Variants in DLGAP2 observed in about 807,000 individuals in gnomAD.
DLGAP2 encodes the protein DLG associated protein 2.
A neutral mutation model predicts 100.3 loss-of-function variants in DLGAP2; 26 were observed. That is an observed-to-expected ratio of 0.26 (90% CI 0.19 to 0.36). The LOEUF is 0.36. DLGAP2 is among the 10% of genes least tolerant of loss of function. DLGAP2 has a pLI of 1.00. For missense variants in DLGAP2, 1,858 were observed against 1,453.2 expected, an observed-to-expected ratio of 1.28 and a Z score of -4.53; for synonymous variants, 886 against 630.1, an observed-to-expected ratio of 1.41 and a Z score of -6.08.
At chr8:1,275,361 G>GA (rs113417814) in intron 3 of DLGAP2, among the ~76,000 whole-genome samples, 27,509 of 139,960 alleles carry the variant, frequency 0.2, 3,098 homozygotes, top group African/African-American at 0.34. Context: ...ATTTGGAATG[G>GA]AAAAAAAAAA....
At position 956,956 on chromosome 8, in the gene DLGAP2, G is replaced by T. The variant is rs1799611024; in HGVS notation, c.73+48990G>T. On this transcript the variant is annotated intron_variant, in intron 2 of 14. Coordinates refer to ENST00000637795, the MANE Select transcript of DLGAP2 (RefSeq NM_001346810.2). ...TTTCACATTTCACACCTCCCCTCCT[G>T]TTCATCAGAGCTATCTTACTAGATT... 2.6e-5 allele frequency among the ~76,000 whole-genome samples: 4 copies of T among 152,146 alleles called. No homozygotes were observed. In the South Asian group the frequency reaches 6.2e-4, roughly 24 times the overall value.
chr8:1,340,391 A>G (rs1801392194), intron 3 of DLGAP2, among the ~76,000 whole-genome samples: 1 of 152,232 alleles, frequency 6.6e-6, no homozygotes, highest in African/African-American at 2.4e-5. Context: ...CATTTGTAAG[A>G]AAAAAACCAT....
At chr8:1,565,563 T>A (rs1175293521) in intron 5 of DLGAP2, 120 bp from the exon 6 acceptor site, 2 of 746,080 alleles carry the variant, frequency 2.7e-6, no homozygotes, top group Non-Finnish European at 4.3e-6. Context: ...CTTTAACTGA[T>A]AAATGACTGT....
At chr8:1,039,273 G>T (rs1453355435) in intron 2 of DLGAP2, among the ~76,000 whole-genome samples, 1 of 150,022 alleles carries the variant, frequency 6.7e-6, no homozygotes, top group Non-Finnish European at 1.5e-5. Context: ...TCCATGGTCG[G>T]CTCGGTTTCC....
intron 3 of DLGAP2, among the ~76,000 whole-genome samples, chr8:1,488,965 C>T (rs980437313): frequency 1.3e-5 from 2 of 152,222 alleles, no homozygotes; most frequent in African/African-American, 2.4e-5. Flanking sequence ...AAACTGATTA[C>T]AGGAAGACAC....
At chr8:1,266,548 C>G (rs1282038611) in intron 3 of DLGAP2, among the ~76,000 whole-genome samples, 3 of 152,218 alleles carry the variant, frequency 2.0e-5, no homozygotes, top group African/African-American at 2.4e-5. Flanking sequence ...AGTTCCTCCT[C>G]TGTTGGATAA....
chr8:957,685 T>C (rs1252651683), intron 2 of DLGAP2, among the ~76,000 whole-genome samples: 1 of 152,242 alleles, frequency 6.6e-6, no homozygotes, highest in Non-Finnish European at 1.5e-5. Flanking sequence ...CTCTAATGCC[T>C]TACCCTTGTC....
At chr8:1,161,979 C>A (rs1415097398) in intron 2 of DLGAP2, among the ~76,000 whole-genome samples, 2 of 152,360 alleles carry the variant, frequency 1.3e-5, no homozygotes, top group East Asian at 3.9e-4. Context: ...GAGGGCCTTC[C>A]TGCTAGAATG....
At chr8:1,311,476 A>C (rs187459435) in intron 3 of DLGAP2, among the ~76,000 whole-genome samples, 1 of 152,332 alleles carries the variant, frequency 6.6e-6, no homozygotes, top group African/African-American at 2.4e-5. Flanking sequence ...ATGGTCATAG[A>C]AGAGAAAATC....
intron 4 of DLGAP2, among the ~76,000 whole-genome samples, chr8:1,504,483 T>C (rs1584961867): frequency 1.3e-5 from 2 of 152,212 alleles, no homozygotes; most frequent in African/African-American, 4.8e-5. Flanking sequence ...CGTGGTACCA[T>C]AGACCTCGTC....
intron 1 of DLGAP2, among the ~76,000 whole-genome samples, chr8:786,147 G>A (rs576575154): frequency 6.6e-6 from 1 of 152,304 alleles, no homozygotes; most frequent in East Asian, 1.9e-4. Context: ...CGGCGCAGGG[G>A]CAGGAAAAGC....
chr8:1,002,346 T>A (rs992265791), intron 2 of DLGAP2: 11 of 152,222 alleles, frequency 7.2e-5, no homozygotes, highest in African/African-American at 2.7e-4. Context: ...ATTAGCCCAT[T>A]TAACTTGTTT....
At chr8:1,492,187 C>T (rs1442068946) in intron 3 of DLGAP2, among the ~76,000 whole-genome samples, 1 of 152,196 alleles carries the variant, frequency 6.6e-6, no homozygotes, top group African/African-American at 2.4e-5. Context: ...ACGATCATTT[C>T]TATGGTTTTC....
intron 1 of DLGAP2, among the ~76,000 whole-genome samples, chr8:796,678 C>G (rs1362603716): frequency 6.6e-6 from 1 of 152,190 alleles, no homozygotes; most frequent in Non-Finnish European, 1.5e-5. Flanking sequence ...TGCTGCTTCC[C>G]TATTTAAACT....
At chr8:900,610 G>GCCCCCA (rs1648142178) in intron 1 of DLGAP2, among the ~76,000 whole-genome samples, 2 of 152,194 alleles carry the variant, frequency 1.3e-5, no homozygotes. Context: ...ACCCATGGAT[G>GCCCCCA]GCTCCTGCCC....
rs917772922 is a variant in DLGAP2 at position 1,701,866 on chromosome 8, A to T, written c.*460A>T. On this transcript the variant is annotated 3_prime_UTR_variant, in exon 15 of 15. Transcript: ENST00000637795. ...CCCAAGTGGAAGGTGCTACAACCTGAAGCGCAGGAAAGAAAGGCCCATTCC... is the reference window on the plus strand; with the variant it reads ...CCCAAGTGGAAGGTGCTACAACCTGTAGCGCAGGAAAGAAAGGCCCATTCC... 2 of 156,382 alleles carry T rather than the reference A, an allele frequency of 1.3e-5. No individual in the cohort carries two copies. Among genetic ancestry groups the T allele is most frequent in the African/African-American group, 4.8e-5 (2 of 41,574 alleles). The allele number at this position is 156,382 out of a possible 1,614,324, so 9.7% of individuals were successfully genotyped here.
chr8:1,453,384 A>G (rs564341137), intron 3 of DLGAP2, among the ~76,000 whole-genome samples: 10 of 152,340 alleles, frequency 6.6e-5, no homozygotes, highest in African/African-American at 2.4e-4. Flanking sequence ...TGAGAAAGAA[A>G]GACAGCCCAT....
intron 2 of DLGAP2, among the ~76,000 whole-genome samples, chr8:981,229 G>A (rs573549348): frequency 1.3e-5 from 2 of 152,246 alleles, no homozygotes; most frequent in Admixed American, 1.3e-4. Context: ...AGGCTCATCT[G>A]GGTTGTGGCA....
intron 2 of DLGAP2, among the ~76,000 whole-genome samples, chr8:950,368 C>T (rs1262635591): frequency 1.3e-5 from 2 of 152,184 alleles, no homozygotes; most frequent in Non-Finnish European, 2.9e-5. Context: ...TCCCTTTGTT[C>T]AACCTTTTAA....
Sources: allele counts gnomAD v4.1 joint callset (sites outside exome capture counted in the v4.1 genomes callset), GRCh38; gene constraint gnomAD v4.1.1; transcripts MANE v1.5; gene names NCBI Gene and HGNC (gene_info 2026-07-23, HGNC 2026-07-21).